The following SPMIP3 variants were observed in gnomAD, a reference collection of about 807,000 sequenced individuals.
The protein encoded by SPMIP3 is sperm microtubule inner protein 3.
the SPMIP3 span, among the ~76,000 whole-genome samples, chr1:244,362,342 A>G: frequency 6.6e-6 from 1 of 152,198 alleles, no homozygotes; most frequent in African/African-American, 2.4e-5. Context: ...GTTAAAATAA[A>G]TATTTCTGCA....
At chr1:244,378,484 C>T in the SPMIP3 span, 3 of 1,613,160 alleles carry the variant, frequency 1.9e-6, no homozygotes, top group Non-Finnish European at 2.5e-6. Context: ...ATAGACTTGA[C>T]AATTCCACCC....
At chr1:244,388,243 T>C in the SPMIP3 span, among the ~76,000 whole-genome samples, 13 of 152,146 alleles carry the variant, frequency 8.5e-5, no homozygotes, top group Admixed American at 2.6e-4. Context: ...TTCTATTTAT[T>C]GTGATATCTA....
the SPMIP3 span, among the ~76,000 whole-genome samples, chr1:244,357,260 A>G: frequency 6.6e-6 from 1 of 152,054 alleles, no homozygotes; most frequent in Non-Finnish European, 1.5e-5. Flanking sequence ...ACATAAGTAA[A>G]CGTACAGTAT....
At chr1:244,387,053 C>T in the SPMIP3 span, among the ~76,000 whole-genome samples, 2 of 152,134 alleles carry the variant, frequency 1.3e-5, no homozygotes, top group Non-Finnish European at 2.9e-5. Flanking sequence ...CCTGTAATCC[C>T]GCACTTTGGG....
chr1:244,376,655 T>G, the SPMIP3 span, among the ~76,000 whole-genome samples: 1 of 152,202 alleles, frequency 6.6e-6, no homozygotes, highest in Non-Finnish European at 1.5e-5. Context: ...TGGTAATAGC[T>G]GCATTGAGAT....
the SPMIP3 span, among the ~76,000 whole-genome samples, chr1:244,384,393 A>C: frequency 1.3e-5 from 2 of 152,118 alleles, no homozygotes; most frequent in Non-Finnish European, 2.9e-5. Flanking sequence ...TTGTAGAGAC[A>C]GGTTCTTACT....
the SPMIP3 span, among the ~76,000 whole-genome samples, chr1:244,358,839 T>TG: frequency 1.7e-4 from 26 of 152,266 alleles, no homozygotes; most frequent in East Asian, 4.4e-3. Context: ...CACTTTTGTT[T>TG]GCTTTGGAAG....
chr1:244,362,785 G>A, the SPMIP3 span, among the ~76,000 whole-genome samples: 3 of 151,224 alleles, frequency 2.0e-5, no homozygotes, highest in East Asian at 3.9e-4. Flanking sequence ...TAAAAAGTAT[G>A]CCTTTGTCCC....
chr1:244,377,801 G>A, the SPMIP3 span, among the ~76,000 whole-genome samples: 1 of 152,096 alleles, frequency 6.6e-6, no homozygotes, highest in African/African-American at 2.4e-5. Context: ...AGTCTAACCA[G>A]TTGTATTGAT....
At chr1:244,374,947 T>C in the SPMIP3 span, among the ~76,000 whole-genome samples, 1 of 152,168 alleles carries the variant, frequency 6.6e-6, no homozygotes, top group Non-Finnish European at 1.5e-5. Context: ...TGGTTTTATT[T>C]ATTTATTTCT....
chr1:244,371,268 T>TAA, the SPMIP3 span, among the ~76,000 whole-genome samples: 1 of 152,300 alleles, frequency 6.6e-6, no homozygotes, highest in East Asian at 1.9e-4. Flanking sequence ...TACAGCTGGT[T>TAA]AAAACCCGGG....
chr1:244,365,127 T>C, the SPMIP3 span, among the ~76,000 whole-genome samples: 1 of 152,114 alleles, frequency 6.6e-6, no homozygotes, highest in Non-Finnish European at 1.5e-5. Context: ...AGAAGGGATA[T>C]ATGGGACAAT....
At chr1:244,365,371 T>C in the SPMIP3 span, among the ~76,000 whole-genome samples, 1 of 152,164 alleles carries the variant, frequency 6.6e-6, no homozygotes, top group African/African-American at 2.4e-5. Flanking sequence ...TCCCATGCTG[T>C]TCTCCTGACA....
the SPMIP3 span, chr1:244,389,494 G>GGCT: frequency 6.4e-6 from 1 of 157,184 alleles, no homozygotes; most frequent in African/African-American, 2.4e-5. Context: ...TGTAGCCTGA[G>GGCT]GCTGTAGCGA....
At chr1:244,372,701 C>T in the SPMIP3 span, among the ~76,000 whole-genome samples, 1 of 152,182 alleles carries the variant, frequency 6.6e-6, no homozygotes, top group Non-Finnish European at 1.5e-5. Flanking sequence ...CCTTGGCCTC[C>T]CAAAGTGCTG....
the SPMIP3 span, among the ~76,000 whole-genome samples, chr1:244,380,123 CTTTTTTTTTT>C: frequency 0.38 from 44,021 of 116,010 alleles, 7,321 homozygotes; most frequent in South Asian, 0.45. Flanking sequence ...CAGAGTTTTT[CTTTTTTTTTT>C]TTTTTTTTTT....
the SPMIP3 span, among the ~76,000 whole-genome samples, chr1:244,386,370 G>C: frequency 1.1e-3 from 168 of 152,264 alleles, no homozygotes; most frequent in African/African-American, 3.9e-3. Context: ...ACTGCATTTT[G>C]TCTGATGATA....
At chr1:244,367,607 C>T in the SPMIP3 span, among the ~76,000 whole-genome samples, 3 of 152,164 alleles carry the variant, frequency 2.0e-5, no homozygotes, top group Non-Finnish European at 4.4e-5. Flanking sequence ...AACCCACGTG[C>T]GGCTCGGAGG....
the SPMIP3 span, among the ~76,000 whole-genome samples, chr1:244,359,884 G>A: frequency 6.6e-6 from 1 of 152,128 alleles, no homozygotes; most frequent in African/African-American, 2.4e-5. Flanking sequence ...GCCGAGGCTG[G>A]CGGATCACAA....
Sources: gnomAD v4.1 joint callset for allele counts (sites outside exome capture counted in the v4.1 genomes callset) on GRCh38, gnomAD v4.1.1 for gene constraint, MANE v1.5 for transcripts, NCBI Gene and HGNC (gene_info 2026-07-23, HGNC 2026-07-21) for gene names.